Variants in TRAK1 observed in about 807,000 individuals in gnomAD.
The protein encoded by TRAK1 is trafficking kinesin-binding protein 1.
A neutral mutation model predicts 92.1 loss-of-function variants in TRAK1; 33 were observed. The ratio of observed to expected loss-of-function variants is 0.36; its 90% confidence interval spans 0.27 to 0.48. The LOEUF (loss-of-function observed/expected upper bound fraction) is 0.48. TRAK1 is among the 20% of genes least tolerant of loss of function. The pLI is 0.99. For missense variants in TRAK1, 1,123 were observed against 1,257.9 expected (o/e 0.89, Z 1.62); for synonymous variants, 521 against 517.3 (o/e 1.01, Z -0.10).
At chr3:42,171,331 T>C (rs1702535277) in intron 2 of TRAK1, among the ~76,000 whole-genome samples, 1 of 152,176 alleles carries the variant, frequency 6.6e-6, no homozygotes, top group African/African-American at 2.4e-5. Context: ...TCTAACAACG[T>C]TATGAGAATC....
chr3:42,040,304 GATTA>G (rs1702484117), intron 1 of TRAK1, among the ~76,000 whole-genome samples: 1 of 152,002 alleles, frequency 6.6e-6, no homozygotes, highest in Non-Finnish European at 1.5e-5. Flanking sequence ...TTAATTAATT[GATTA>G]ATTATATAAC....
intron 2 of TRAK1, among the ~76,000 whole-genome samples, chr3:42,144,772 T>C (rs1347272268): frequency 6.6e-6 from 1 of 152,118 alleles, no homozygotes; most frequent in African/African-American, 2.4e-5. Context: ...AATGTATTTG[T>C]TTCTTGTTTC....
At chr3:42,195,950 G>C (rs1034184341) in intron 10 of TRAK1, among the ~76,000 whole-genome samples, 2 of 152,092 alleles carry the variant, frequency 1.3e-5, no homozygotes, top group Non-Finnish European at 2.9e-5. Flanking sequence ...TTGTCATCTT[G>C]GTGCAGTGAG....
chr3:42,104,134 A>G (rs1707195757), intron 1 of TRAK1, among the ~76,000 whole-genome samples: 1 of 152,102 alleles, frequency 6.6e-6, no homozygotes, highest in Non-Finnish European at 1.5e-5. Context: ...GGCGTCCACC[A>G]TTGCTGAAGC....
chr3:42,193,053 G>A, intron 7 of TRAK1, 22 bp from the exon 8 acceptor site: 1 of 1,612,872 alleles, frequency 6.2e-7, no homozygotes, highest in Non-Finnish European at 8.5e-7. Flanking sequence ...TTCCTCTCCT[G>A]ATTGTTGCTT....
intron 14 of TRAK1, chr3:42,210,600 A>G (rs1708911976): frequency 1.9e-5 from 20 of 1,034,284 alleles, no homozygotes; most frequent in Non-Finnish European, 2.3e-5. Context: ...TGTTACCTGT[A>G]CGCTGTATTA....
At chr3:42,075,376 A>G (rs1019081070) in intron 1 of TRAK1, among the ~76,000 whole-genome samples, 1 of 147,472 alleles carries the variant, frequency 6.8e-6, no homozygotes, top group Non-Finnish European at 1.5e-5. Context: ...AGAATGAGGT[A>G]TTACTATGTT....
At chr3:42,050,667 A>G in intron 1 of TRAK1, among the ~76,000 whole-genome samples, 1 of 151,216 alleles carries the variant, frequency 6.6e-6, no homozygotes, top group East Asian at 1.9e-4. Context: ...TTTAATTTTT[A>G]TTTTTTTTGA....
intron 2 of TRAK1, among the ~76,000 whole-genome samples, chr3:42,135,032 G>C (rs1697765788): frequency 6.6e-6 from 1 of 152,160 alleles, no homozygotes; most frequent in South Asian, 2.1e-4. Flanking sequence ...GAGCCACCAT[G>C]CCTGGCTGGT....
chr3:42,223,192 C>T lies in TRAK1; in HGVS notation c.2317C>T (p.Pro773Ser), dbSNP rs1406871936. ...GRGSLLHSYT[P>S]KMAVIPSTPP... ...GGGCTCCCTCCTGCACTCCTACACG[C>T]CCAAGATGGCTGTGATCCCCTCTAC... Residue 773 changes from proline to serine, a missense_variant, in exon 16 of 16, where the codon CCC (proline) becomes TCC (serine). Pro to Ser is a moderately conservative substitution (Grantham distance 74). Around this residue, in one of 3 missense-constraint regions of TRAK1, gnomAD observed 401 missense variants for 438.9 expected, o/e 0.91. Coordinates refer to ENST00000327628, the MANE Select transcript of TRAK1 (RefSeq NM_001042646.3). This position sits in a 1 kb window ranked among gnomAD's most constrained non-coding sequence, Gnocchi z 6.1. 1.2e-6 allele frequency: 2 copies of T among 1,614,152 alleles called. No homozygotes were observed. Among genetic ancestry groups the T allele is most frequent in the Non-Finnish European group, 8.5e-7 (1 of 1,180,040 alleles).
chr3:42,111,730 CTA>C (rs1340664557), intron 1 of TRAK1, among the ~76,000 whole-genome samples: 4 of 152,052 alleles, frequency 2.6e-5, no homozygotes, highest in African/African-American at 9.7e-5. Context: ...CAAAATGCAT[CTA>C]TTTTGATTAA....
chr3:42,145,380 G>A (rs1699193620), intron 2 of TRAK1, among the ~76,000 whole-genome samples: 1 of 152,016 alleles, frequency 6.6e-6, no homozygotes, highest in African/African-American at 2.4e-5. Flanking sequence ...CAGCTACTTG[G>A]GAGGCCGAGG....
chr3:42,140,758 C>T (rs1698543150), intron 2 of TRAK1, among the ~76,000 whole-genome samples: 1 of 152,230 alleles, frequency 6.6e-6, no homozygotes, highest in Non-Finnish European at 1.5e-5. Flanking sequence ...CCTATGGCCC[C>T]CTCAAGGACG....
chr3:42,149,676 C>T (rs754282567), intron 2 of TRAK1: 1 of 1,520,694 alleles, frequency 6.6e-7, no homozygotes, highest in Non-Finnish European at 8.8e-7. Flanking sequence ...TGTCCTGAAA[C>T]CTTTAGGGGA....
At chr3:42,205,546 A>T (rs1018345140) in intron 13 of TRAK1, among the ~76,000 whole-genome samples, 7 of 152,244 alleles carry the variant, frequency 4.6e-5, no homozygotes, top group Non-Finnish European at 1.0e-4. Flanking sequence ...CAAACCATTC[A>T]AACTAGAAAG....
intron 1 of TRAK1, among the ~76,000 whole-genome samples, chr3:42,078,579 C>G (rs978413561): frequency 1.3e-5 from 2 of 151,724 alleles, no homozygotes; most frequent in African/African-American, 4.8e-5. Flanking sequence ...CAGTGAAACC[C>G]CATCTCTACT....
chr3:42,150,279 G>T (rs781664678), intron 2 of TRAK1, among the ~76,000 whole-genome samples: 8 of 152,298 alleles, frequency 5.3e-5, no homozygotes, highest in Non-Finnish European at 1.0e-4. Context: ...AGGCCAAGTT[G>T]TGTGGCTGGA....
chr3:42,218,078 A>C (rs1709913321), intron 14 of TRAK1: 2 of 985,368 alleles, frequency 2.0e-6, no homozygotes, highest in East Asian at 2.3e-4. Flanking sequence ...GACCCGAGTC[A>C]GACCTTAAAA....
chr3:42,136,856 T>C (rs1698023806), intron 2 of TRAK1, among the ~76,000 whole-genome samples: 1 of 152,082 alleles, frequency 6.6e-6, no homozygotes, highest in African/African-American at 2.4e-5. Flanking sequence ...CTAATTTTTG[T>C]GTTTTTAGTA....
Sources: gnomAD v4.1 joint callset for allele counts (sites outside exome capture counted in the v4.1 genomes callset) on GRCh38, gnomAD v4.1.1 for gene constraint, gnomAD v4.1.1 regional missense constraint, Gnocchi (gnomAD v3.1) non-coding constraint, MANE v1.5 for transcripts, NCBI Gene and HGNC (gene_info 2026-07-23, HGNC 2026-07-21) for gene names.